CDKAL1: variants seen among roughly 807,000 people sequenced by gnomAD.
CDKAL1 encodes the protein threonylcarbamoyladenosine tRNA methylthiotransferase.
A neutral mutation model predicts 68.2 loss-of-function variants in CDKAL1; 32 were observed. That is an observed-to-expected ratio of 0.47 (90% CI 0.35 to 0.63). The LOEUF is 0.63. CDKAL1 is among the 30% of genes least tolerant of loss of function. CDKAL1 has a pLI of 0.00. For missense variants in CDKAL1, 606 were observed against 696.7 expected (o/e 0.87, Z 1.47); for synonymous variants, 234 against 244.3 (o/e 0.96, Z 0.39).
At chr6:21,229,055 G>A (rs940645526) in intron 15 of CDKAL1, among the ~76,000 whole-genome samples, 28 of 152,044 alleles carry the variant, frequency 1.8e-4, no homozygotes, top group African/African-American at 6.8e-4. Context: ...GCAGGATATC[G>A]GCCCGGATAC....
intron 9 of CDKAL1, among the ~76,000 whole-genome samples, chr6:20,904,813 AAGTCACTACATGTGGCCAGGAAGACGCAC>A (rs1762163614): frequency 6.6e-6 from 1 of 152,146 alleles, no homozygotes; most frequent in Non-Finnish European, 1.5e-5. Context: ...AGAAAAAAGA[AAGTCACTACATGTGGCCAGGAAGACGCAC>A]AGACTCAGAA....
chr6:21,149,172 C>T (rs1287166325), intron 13 of CDKAL1, among the ~76,000 whole-genome samples: 1 of 151,846 alleles, frequency 6.6e-6, no homozygotes, highest in African/African-American at 2.4e-5. Flanking sequence ...CAGTGTCTCA[C>T]TCTGTTGCCC....
intron 9 of CDKAL1, among the ~76,000 whole-genome samples, chr6:20,863,465 A>G (rs989985963): frequency 1.5e-5 from 2 of 136,388 alleles, no homozygotes; most frequent in Admixed American, 7.3e-5. Context: ...TGTTCAATAA[A>G]TGTTTTTTGA....
intron 4 of CDKAL1, among the ~76,000 whole-genome samples, chr6:20,596,644 C>CTTCA (rs1423691679): frequency 6.6e-6 from 1 of 152,210 alleles, no homozygotes; most frequent in Non-Finnish European, 1.5e-5. Context: ...GGCTCCCTGG[C>CTTCA]TTCAGCCCCC....
At chr6:20,648,092 T>A (rs1007957329) in intron 4 of CDKAL1, among the ~76,000 whole-genome samples, 38 of 150,554 alleles carry the variant, frequency 2.5e-4, no homozygotes, top group Admixed American at 3.3e-4. Context: ...AAAAAAATAT[T>A]TTTTTTTGCC....
intron 15 of CDKAL1, 46 bp downstream of exon 15, chr6:21,201,320 G>A: frequency 6.6e-7 from 1 of 1,508,116 alleles, no homozygotes; most frequent in South Asian, 1.2e-5. Context: ...TAAAACAGCA[G>A]CTGTGGAAGC....
At chr6:20,954,813 T>A (rs1411879948) in intron 9 of CDKAL1, among the ~76,000 whole-genome samples, 1 of 152,226 alleles carries the variant, frequency 6.6e-6, no homozygotes, top group Non-Finnish European at 1.5e-5. Flanking sequence ...AAACTGTCAG[T>A]AAACAGGTTT....
At chr6:21,191,661 C>T (rs965575859) in intron 13 of CDKAL1, among the ~76,000 whole-genome samples, 3 of 152,078 alleles carry the variant, frequency 2.0e-5, no homozygotes, top group African/African-American at 4.8e-5. Flanking sequence ...AGTTCTCTCC[C>T]TGTGAAATCA....
intron 4 of CDKAL1, among the ~76,000 whole-genome samples, chr6:20,555,554 A>G (rs942235681): frequency 2.0e-5 from 3 of 148,392 alleles, no homozygotes; most frequent in African/African-American, 7.5e-5. Flanking sequence ...CTCCTTACCT[A>G]GTGATCTACC....
intron 7 of CDKAL1, among the ~76,000 whole-genome samples, chr6:20,777,940 T>G (rs1321950748): frequency 6.6e-6 from 1 of 152,230 alleles, no homozygotes; most frequent in Non-Finnish European, 1.5e-5. Context: ...ACAAAATACC[T>G]TATTATACTG....
chr6:20,771,314 AAG>A (rs1054512854), intron 7 of CDKAL1, among the ~76,000 whole-genome samples: 10 of 152,302 alleles, frequency 6.6e-5, no homozygotes, highest in African/African-American at 2.4e-4. Flanking sequence ...GTTGAGGACT[AAG>A]AGAGTGAATT....
chr6:20,992,661 G>A (rs10946424), intron 10 of CDKAL1, among the ~76,000 whole-genome samples: 22,777 of 152,112 alleles, frequency 0.15, 2,174 homozygotes, highest in Middle Eastern at 0.25. Context: ...GCTTTGGGAG[G>A]CTGAGGCAGG....
At chr6:20,958,884 T>G (rs1764914331) in intron 10 of CDKAL1, among the ~76,000 whole-genome samples, 1 of 152,090 alleles carries the variant, frequency 6.6e-6, no homozygotes, top group African/African-American at 2.4e-5. Context: ...AAAAACAACT[T>G]TTACCAACTT....
intron 4 of CDKAL1, among the ~76,000 whole-genome samples, chr6:20,642,990 GC>G (rs1398380496): frequency 2.0e-5 from 3 of 152,128 alleles, no homozygotes; most frequent in African/African-American, 7.2e-5. Context: ...CATCTGTCTA[GC>G]CTGAAGTTTG....
chr6:20,864,901 A>C (rs775449647), intron 9 of CDKAL1, among the ~76,000 whole-genome samples: 1 of 152,178 alleles, frequency 6.6e-6, no homozygotes, highest in Non-Finnish European at 1.5e-5. Context: ...GGCTGATTTT[A>C]TCTCTTTATT....
chr6:20,575,385 G>T (rs186701715), intron 4 of CDKAL1, among the ~76,000 whole-genome samples: 28 of 146,366 alleles, frequency 1.9e-4, no homozygotes, highest in African/African-American at 6.8e-4. Context: ...ACCATCTGCT[G>T]TGGTTCCCAG....
intron 9 of CDKAL1, among the ~76,000 whole-genome samples, chr6:20,922,363 T>C (rs1017972353): frequency 7.9e-5 from 12 of 152,168 alleles, no homozygotes; most frequent in African/African-American, 2.7e-4. Flanking sequence ...ACAGTATTCC[T>C]GATTGCTGGG....
rs528122031 is a variant in CDKAL1 at position 20,837,784 on chromosome 6, A to G, written c.639-8291A>G. ...AATAATACTTTTTATAAATATATAT[A>G]TGCCTTGTTTTCATTCCTGCAAATT... On this transcript the variant is annotated intron_variant, in intron 8 of 15. Transcript: ENST00000274695. Among the ~76,000 whole-genome samples, 38 of 148,530 alleles carry G rather than the reference A, an allele frequency of 2.6e-4. No individual in the cohort carries two copies. The South Asian group carries it at 5.2e-3, about 20-fold the overall frequency.
At chr6:20,876,213 A>C (rs563635438) in intron 9 of CDKAL1, among the ~76,000 whole-genome samples, 19 of 152,206 alleles carry the variant, frequency 1.2e-4, no homozygotes, top group Non-Finnish European at 2.4e-4. Context: ...AAATATAAGA[A>C]CCTGTAGTTT....
Sources: allele counts gnomAD v4.1 joint callset (sites outside exome capture counted in the v4.1 genomes callset), GRCh38; gene constraint gnomAD v4.1.1; transcripts MANE v1.5; gene names NCBI Gene and HGNC (gene_info 2026-07-23, HGNC 2026-07-21).